The following FGF2 variants were observed in gnomAD, a reference collection of about 807,000 sequenced individuals.
FGF2 encodes the protein fibroblast growth factor 2.
Under a neutral mutation model 15.9 loss-of-function variants are expected in FGF2, and 13 were observed. The ratio of observed to expected loss-of-function variants is 0.82; its 90% CI spans 0.53 to 1.30. The LOEUF is 1.30. Ranked by LOEUF, FGF2 falls within the 50% of genes most tolerant of loss-of-function variation. The pLI is 0.00. For synonymous variants in FGF2, 90 were observed against 78.4 expected (o/e 1.15, Z -0.78); for missense variants, 163 against 196.9 (o/e 0.83, Z 1.03).
In FGF2 at chr4:122,846,875, TC is replaced by T. The variant is rs1402426937; in HGVS notation, c.178+19525del. 5.3e-5 allele frequency among the ~76,000 whole-genome samples: 8 copies of T among 152,330 alleles called. No individual in the cohort carries two copies. In the East Asian group the frequency reaches 1.4e-3, roughly 26 times the overall value. On this transcript the variant is annotated intron_variant, in intron 1 of 2. Transcript: ENST00000644866. The stretch of plus-strand genomic sequence containing the variant: ...AGATAGGATAGCAGCCAGAAGAAGT[TC>T]CTGTTTCGGGAAACACTTGTGGACT...
intron 1 of FGF2, among the ~76,000 whole-genome samples, chr4:122,862,786 T>A (rs1403158092): frequency 6.6e-6 from 1 of 152,202 alleles, no homozygotes; most frequent in East Asian, 1.9e-4. Flanking sequence ...TACAATATTT[T>A]AAAAAATTGA....
rs746553829 is a variant in FGF2 at position 122,827,289 on chromosome 4, T to A, written c.115T>A (p.Phe39Ile). The A allele has an allele frequency of 6.2e-7, 1 of 1,612,832 alleles. No homozygotes were observed. The highest frequency in any genetic ancestry group is 8.5e-7 in the Non-Finnish European group (1 of 1,179,864). Residue 39 changes from phenylalanine to isoleucine, a missense_variant, in exon 1 of 3, where the codon TTC becomes ATC. Coordinates refer to ENST00000644866, the MANE Select transcript of FGF2 (RefSeq NM_001361665.2). The surrounding 1 kb of genome is among the most constrained non-coding windows in gnomAD (Gnocchi z 4.2). ...PKRLYCKNGG[F>I]FLRIHPDGRV... ...GCGGCTGTACTGCAAAAACGGGGGC[T>A]TCTTCCTGCGCATCCACCCCGACGG...
intron 2 of FGF2, among the ~76,000 whole-genome samples, chr4:122,891,036 G>GTTT (rs1269366239): frequency 8.7e-6 from 1 of 114,718 alleles, no homozygotes; most frequent in African/African-American, 3.4e-5. Flanking sequence ...TTTTTTTTTT[G>GTTT]TTTTGTTTTG....
chr4:122,845,282 G>A (rs185547821), intron 1 of FGF2, among the ~76,000 whole-genome samples: 196 of 152,268 alleles, frequency 1.3e-3, no homozygotes, highest in African/African-American at 4.4e-3. Flanking sequence ...CATTGATAGG[G>A]CACAGGCAGA....
At chr4:122,885,010 G>A (rs1727029275) in intron 2 of FGF2, among the ~76,000 whole-genome samples, 1 of 152,200 alleles carries the variant, frequency 6.6e-6, no homozygotes, top group African/African-American at 2.4e-5. Context: ...GGATCAAGGC[G>A]ATATTAGAAG....
chr4:122,849,099 A>G (rs1726174222), intron 1 of FGF2, among the ~76,000 whole-genome samples: 2 of 152,224 alleles, frequency 1.3e-5, no homozygotes, highest in South Asian at 4.1e-4. Context: ...CTAAAACACC[A>G]TATCAGAATC....
intron 1 of FGF2, among the ~76,000 whole-genome samples, chr4:122,861,278 C>T (rs2150776292): frequency 6.6e-6 from 1 of 152,234 alleles, no homozygotes; most frequent in Middle Eastern, 3.4e-3. Flanking sequence ...CTTTTTTGAA[C>T]TCTGGATTCA....
At chr4:122,832,022 T>A (rs1467548400) in intron 1 of FGF2, among the ~76,000 whole-genome samples, 1 of 152,222 alleles carries the variant, frequency 6.6e-6, no homozygotes, top group African/African-American at 2.4e-5. Flanking sequence ...CAATTTAAGG[T>A]CTCACATTAT....
chr4:122,845,829 T>C (rs567624500), intron 1 of FGF2, among the ~76,000 whole-genome samples: 57 of 152,364 alleles, frequency 3.7e-4, no homozygotes, highest in Non-Finnish European at 7.3e-4. Flanking sequence ...GCTGTTTTGT[T>C]TTCTTATCAT....
intron 1 of FGF2, among the ~76,000 whole-genome samples, chr4:122,853,548 G>A (rs964121953): frequency 6.6e-6 from 1 of 152,170 alleles, no homozygotes; most frequent in Non-Finnish European, 1.5e-5. Flanking sequence ...AATTAGGAAG[G>A]AGGGAAAAGG....
intron 1 of FGF2, among the ~76,000 whole-genome samples, chr4:122,870,183 C>T (rs900796402): frequency 6.6e-6 from 1 of 152,150 alleles, no homozygotes; most frequent in South Asian, 2.1e-4. Context: ...GGGATGAAGT[C>T]GACTTGATCG....
intron 2 of FGF2, chr4:122,884,598 GTTT>G (rs1727021750): frequency 6.6e-6 from 1 of 152,150 alleles, no homozygotes; most frequent in Admixed American, 6.5e-5. Flanking sequence ...CATCATGTCT[GTTT>G]TTAATTCTCA....
At chr4:122,841,398 G>A (rs1011004962) in intron 1 of FGF2, among the ~76,000 whole-genome samples, 3 of 152,212 alleles carry the variant, frequency 2.0e-5, no homozygotes, top group South Asian at 4.2e-4. Flanking sequence ...CTGCTATTCC[G>A]CACTATTACA....
chr4:122,873,454 T>G (rs1578473570), intron 1 of FGF2, among the ~76,000 whole-genome samples: 1 of 152,200 alleles, frequency 6.6e-6, no homozygotes, highest in East Asian at 1.9e-4. Flanking sequence ...GGATATGGAG[T>G]TGCTCTTTGA....
At chr4:122,858,239 AAAG>A (rs1188393053) in intron 1 of FGF2, among the ~76,000 whole-genome samples, 2 of 152,218 alleles carry the variant, frequency 1.3e-5, no homozygotes, top group Non-Finnish European at 2.9e-5. Flanking sequence ...AATAGTAAAA[AAAG>A]AAAGTTTACT....
intron 1 of FGF2, among the ~76,000 whole-genome samples, chr4:122,833,205 G>GTGTGTGTGTGTGTA (rs1037235650): frequency 1.3e-5 from 2 of 151,938 alleles, no homozygotes; most frequent in Non-Finnish European, 1.5e-5. Context: ...GTGTGTGTAT[G>GTGTGTGTGTGTGTA]TGTGTATTTG....
intron 1 of FGF2, among the ~76,000 whole-genome samples, chr4:122,852,514 A>G (rs1418275048): frequency 1.3e-5 from 2 of 152,256 alleles, no homozygotes; most frequent in African/African-American, 4.8e-5. Flanking sequence ...GCTACAGAAG[A>G]TATAAATATC....
Position 122,897,411 on chromosome 4 carries a change from T to C in FGF2, c.*5015T>C, listed in dbSNP as rs1203781382. 5.3e-6 allele frequency: 3 copies of C among 567,534 alleles called. No individual in the cohort carries two copies. Among genetic ancestry groups the C allele is most frequent in the Non-Finnish European group, 9.5e-6 (3 of 316,872 alleles). 35.2% of individuals were successfully genotyped at this position (567,534 alleles called of 1,614,324 possible). A position where few individuals can be genotyped will look rare whatever the true frequency, so the allele number is the denominator to read the frequency against. On this transcript the variant is annotated 3_prime_UTR_variant, in exon 3 of 3. Coordinates refer to ENST00000644866, the MANE Select transcript of FGF2 (RefSeq NM_001361665.2). ...ATAAACAGAAGAATAGGTGGTATGT[T>C]CCTAATGATATTATTTCTACTAATG...
At chr4:122,830,481 G>A (rs1043130673) in intron 1 of FGF2, among the ~76,000 whole-genome samples, 4 of 152,072 alleles carry the variant, frequency 2.6e-5, no homozygotes, top group African/African-American at 9.7e-5. Flanking sequence ...ATTTTCTGGC[G>A]TTTTTCTCAT....
Sources: gnomAD v4.1 joint callset for allele counts (sites outside exome capture counted in the v4.1 genomes callset) on GRCh38, gnomAD v4.1.1 for gene constraint, Gnocchi (gnomAD v3.1) non-coding constraint, MANE v1.5 for transcripts, NCBI Gene and HGNC (gene_info 2026-07-23, HGNC 2026-07-21) for gene names.